CNTN4: variants seen among roughly 807,000 people sequenced by gnomAD.
The protein encoded by CNTN4 is contactin 4.
In CNTN4, 77 loss-of-function variants were observed where a neutral mutation model predicts 122.5. The observed-to-expected ratio is 0.63, with a 90% CI of 0.52 to 0.76. CNTN4 has a LOEUF of 0.76. Among genes scored for constraint, CNTN4 ranks in the 30% least tolerant of loss-of-function variants. The pLI is 0.00. For missense variants in CNTN4, 1,256 were observed against 1,259.1 expected (o/e 1.00, Z 0.04); for synonymous variants, 512 against 447.0 (o/e 1.15, Z -1.83).
At chr3:3,035,814 C>G (rs915648396) in intron 17 of CNTN4, among the ~76,000 whole-genome samples, 7 of 152,086 alleles carry the variant, frequency 4.6e-5, no homozygotes, top group Non-Finnish European at 1.0e-4. Flanking sequence ...ATCAGCCTCC[C>G]AAATTGCTGG....
chr3:2,804,665 G>C (rs982381205), intron 6 of CNTN4, among the ~76,000 whole-genome samples: 1 of 151,966 alleles, frequency 6.6e-6, no homozygotes, highest in Non-Finnish European at 1.5e-5. Context: ...ATCACTTGAG[G>C]ACCAGGATAC....
At chr3:2,820,215 G>A (rs2092831672) in intron 7 of CNTN4, among the ~76,000 whole-genome samples, 1 of 152,044 alleles carries the variant, frequency 6.6e-6, no homozygotes, top group African/African-American at 2.4e-5. Flanking sequence ...CTATAAAGTG[G>A]GACTCCCATA....
intron 3 of CNTN4, among the ~76,000 whole-genome samples, chr3:2,407,213 CT>C (rs539561370): frequency 2.3e-3 from 351 of 152,168 alleles, no homozygotes; most frequent in African/African-American, 7.8e-3. Context: ...ATATTTGCAT[CT>C]GGAGAGAAGG....
At chr3:2,366,920 A>T (rs976557214) in intron 3 of CNTN4, among the ~76,000 whole-genome samples, 11 of 152,262 alleles carry the variant, frequency 7.2e-5, no homozygotes, top group African/African-American at 2.2e-4. Context: ...GCACTCTAAC[A>T]ATTTTAACTA....
At chr3:2,739,214 AC>A (rs2089314169) in intron 5 of CNTN4, among the ~76,000 whole-genome samples, 1 of 152,172 alleles carries the variant, frequency 6.6e-6, no homozygotes, top group African/African-American at 2.4e-5. Context: ...TACCAGATTG[AC>A]AAATTTAGAA....
chr3:2,627,777 G>C (rs571917927), intron 4 of CNTN4, among the ~76,000 whole-genome samples: 4 of 152,142 alleles, frequency 2.6e-5, no homozygotes, highest in Non-Finnish European at 5.9e-5. Context: ...ACAGGCGTGA[G>C]CCACCGTGCC....
chr3:2,564,636 C>T (rs1167475226), intron 3 of CNTN4, among the ~76,000 whole-genome samples: 4 of 152,208 alleles, frequency 2.6e-5, no homozygotes, highest in Non-Finnish European at 1.5e-5. Flanking sequence ...CAAATAACAG[C>T]ACTGAGCCTG....
At chr3:2,537,679 A>G (rs2077864696) in intron 3 of CNTN4, among the ~76,000 whole-genome samples, 1 of 152,118 alleles carries the variant, frequency 6.6e-6, no homozygotes, top group South Asian at 2.1e-4. Context: ...GAAATTTGGG[A>G]ATTTCGTTGG....
chr3:2,690,964 C>T (rs1423357819), intron 4 of CNTN4, among the ~76,000 whole-genome samples: 1 of 152,094 alleles, frequency 6.6e-6, no homozygotes, highest in Non-Finnish European at 1.5e-5. Flanking sequence ...AGAAAGAGCC[C>T]GTCAATGCCC....
chr3:3,005,078 C>T (rs111341098), intron 14 of CNTN4, among the ~76,000 whole-genome samples: 6,881 of 152,246 alleles, frequency 0.045, 195 homozygotes, highest in African/African-American at 0.085. Flanking sequence ...TCTATAAAAT[C>T]GAAAAATTCT....
chr3:2,185,515 G>A (rs36003933), intron 2 of CNTN4, among the ~76,000 whole-genome samples: 40,537 of 151,952 alleles, frequency 0.27, 5,670 homozygotes, highest in East Asian at 0.45. Context: ...TGCTCTAAGT[G>A]GATCTATAAA....
intron 2 of CNTN4, among the ~76,000 whole-genome samples, chr3:2,127,571 A>T (rs2034238589): frequency 6.6e-6 from 1 of 152,130 alleles, no homozygotes; most frequent in African/African-American, 2.4e-5. Flanking sequence ...CTAAAATATA[A>T]AAAAAATTAC....
At chr3:2,616,123 C>T (rs34610733) in intron 4 of CNTN4, among the ~76,000 whole-genome samples, 48,922 of 149,820 alleles carry the variant, frequency 0.33, 8,906 homozygotes, top group Non-Finnish European at 0.42. Flanking sequence ...CCTATTGATC[C>T]GTCATCTAGC....
intron 3 of CNTN4, among the ~76,000 whole-genome samples, chr3:2,568,177 G>A (rs2079258535): frequency 6.6e-6 from 1 of 152,168 alleles, no homozygotes; most frequent in Non-Finnish European, 1.5e-5. Flanking sequence ...CCTGCATGTA[G>A]ATTCTTGGAA....
At chr3:2,499,537 TG>T (rs766276700) in intron 3 of CNTN4, among the ~76,000 whole-genome samples, 1 of 152,098 alleles carries the variant, frequency 6.6e-6, no homozygotes, top group Non-Finnish European at 1.5e-5. Flanking sequence ...TTTTAAAACT[TG>T]GGTGGATTTG....
chr3:2,867,751 T>C (rs2093740191), intron 8 of CNTN4, among the ~76,000 whole-genome samples: 1 of 151,890 alleles, frequency 6.6e-6, no homozygotes, highest in East Asian at 1.9e-4. Flanking sequence ...CCATGCTGCG[T>C]CAGGTACCTA....
chr3:3,053,862 CAT>C lies in CNTN4; in HGVS notation c.2868_2869del (p.Ser957GlyfsTer9). ...ACATCTGTCATTGAAACAAATAAAA[CAT>C]CGGTGGAGCTTTCTTTGCCTTTCGA... On this transcript the variant is annotated frameshift_variant, in exon 24 of 25. Coordinates refer to ENST00000418658, the MANE Select transcript of CNTN4 (RefSeq NM_175607.3). LOFTEE classifies it high-confidence loss of function. 1 of 1,614,122 alleles carries C rather than the reference CAT, an allele frequency of 6.2e-7. No homozygotes were observed. Among genetic ancestry groups the C allele is most frequent in the Non-Finnish European group, 8.5e-7 (1 of 1,179,984 alleles).
chr3:2,804,667 C>T (rs2092422912), intron 6 of CNTN4, among the ~76,000 whole-genome samples: 1 of 151,936 alleles, frequency 6.6e-6, no homozygotes, highest in African/African-American at 2.4e-5. Context: ...CACTTGAGGA[C>T]CAGGATACCT....
chr3:2,368,879 G>A (rs1455728517), intron 3 of CNTN4, among the ~76,000 whole-genome samples: 1 of 152,144 alleles, frequency 6.6e-6, no homozygotes, highest in Non-Finnish European at 1.5e-5. Flanking sequence ...CTTTCATTGT[G>A]TGTTGAGCTC....
Sources: allele counts gnomAD v4.1 joint callset (sites outside exome capture counted in the v4.1 genomes callset), GRCh38; gene constraint gnomAD v4.1.1; transcripts MANE v1.5; gene names NCBI Gene and HGNC (gene_info 2026-07-23, HGNC 2026-07-21).